Variants in SPEF2 observed in about 807,000 individuals in gnomAD.
The protein encoded by SPEF2 is sperm flagella and cilia-associated protein 2.
In SPEF2, 187 loss-of-function variants were observed where a neutral mutation model predicts 224.6. The ratio of observed to expected loss-of-function variants is 0.83; its 90% CI spans 0.74 to 0.94. The LOEUF is 0.94. Among genes scored for constraint, SPEF2 ranks in the 40% least tolerant of loss-of-function variants. The pLI, the probability that SPEF2 is intolerant of heterozygous loss-of-function variation, is 0.00. For missense variants in SPEF2, 2,170 were observed against 2,135.6 expected (o/e 1.02, Z -0.32); for synonymous variants, 715 against 707.3 (o/e 1.01, Z -0.17).
At chr5:35,809,090 T>C (rs1758383838) in intron 36 of SPEF2, among the ~76,000 whole-genome samples, 1 of 151,936 alleles carries the variant, frequency 6.6e-6, no homozygotes, top group Non-Finnish European at 1.5e-5. Flanking sequence ...AACATTCATA[T>C]TCAAAGGGTG....
chr5:35,788,239 A>G (rs1017944537), intron 30 of SPEF2: 1 of 702,992 alleles, frequency 1.4e-6, no homozygotes, highest in Non-Finnish European at 2.6e-6. Flanking sequence ...CCCTCGGGAG[A>G]GTAGAGAACT....
chr5:35,658,550 A>G (rs531422985), intron 7 of SPEF2, among the ~76,000 whole-genome samples: 31 of 152,294 alleles, frequency 2.0e-4, no homozygotes, highest in African/African-American at 6.7e-4. Context: ...CAACCTTCTG[A>G]AAACATGCTT....
At chr5:35,785,318 G>A (rs1754944078) in intron 30 of SPEF2, among the ~76,000 whole-genome samples, 2 of 152,224 alleles carry the variant, frequency 1.3e-5, no homozygotes, top group South Asian at 2.1e-4. Context: ...CTGTTTATGA[G>A]TAGAGTTTCA....
intron 7 of SPEF2, among the ~76,000 whole-genome samples, chr5:35,658,710 T>C (rs1749293701): frequency 6.6e-6 from 1 of 152,200 alleles, no homozygotes; most frequent in Non-Finnish European, 1.5e-5. Context: ...TAGTATCCAT[T>C]AGCTATTTGC....
At chr5:35,711,218 C>A (rs1455140960) in intron 19 of SPEF2, among the ~76,000 whole-genome samples, 1 of 151,964 alleles carries the variant, frequency 6.6e-6, no homozygotes, top group Non-Finnish European at 1.5e-5. Context: ...ACTAAAAAAC[C>A]AAATGAAATT....
intron 17 of SPEF2, among the ~76,000 whole-genome samples, chr5:35,705,172 T>G (rs369632794): frequency 1.3e-5 from 2 of 152,072 alleles, no homozygotes; most frequent in East Asian, 3.8e-4. Flanking sequence ...TAAGGCTGTC[T>G]ACTCTCCAGG....
chr5:35,758,454 C>A (rs1750754795), intron 24 of SPEF2, among the ~76,000 whole-genome samples: 1 of 152,168 alleles, frequency 6.6e-6, no homozygotes, highest in African/African-American at 2.4e-5. Context: ...GTTGTTGGCA[C>A]TGTGTGAAAT....
At chr5:35,666,757 C>T (rs1437449884) in intron 8 of SPEF2, among the ~76,000 whole-genome samples, 2 of 152,090 alleles carry the variant, frequency 1.3e-5, no homozygotes, top group Non-Finnish European at 2.9e-5. Context: ...TATTTGCAAC[C>T]GGTGAACTCA....
At chr5:35,718,227 C>A (rs1191311461) in intron 20 of SPEF2, among the ~76,000 whole-genome samples, 1 of 152,154 alleles carries the variant, frequency 6.6e-6, no homozygotes, top group Non-Finnish European at 1.5e-5. Flanking sequence ...TGAGCCCAAT[C>A]CTAAGCCAAC....
At chr5:35,618,218 G>A (rs1742942875) in intron 1 of SPEF2, among the ~76,000 whole-genome samples, 163 bp downstream of exon 1, 1 of 152,150 alleles carries the variant, frequency 6.6e-6, no homozygotes, top group South Asian at 2.1e-4. Flanking sequence ...TCGGCTCGGC[G>A]GTGCCCCAGG....
At chr5:35,810,489 C>T (rs150026818) in intron 36 of SPEF2, among the ~76,000 whole-genome samples, 46 of 152,226 alleles carry the variant, frequency 3.0e-4, no homozygotes, top group African/African-American at 1.1e-3. Flanking sequence ...CTGGAGGACT[C>T]CTTTTAAGTT....
chr5:35,800,224 T>G, intron 34 of SPEF2, 77 bp downstream of exon 34: 1 of 1,460,318 alleles, frequency 6.8e-7, no homozygotes, highest in Non-Finnish European at 9.3e-7. Flanking sequence ...CAACAAGGAC[T>G]CTATTATTTT....
chr5:35,810,499 T>A (rs1235341489), intron 36 of SPEF2, among the ~76,000 whole-genome samples: 1 of 152,168 alleles, frequency 6.6e-6, no homozygotes, highest in African/African-American at 2.4e-5. Flanking sequence ...CCTTTTAAGT[T>A]ATACATTCCC....
intron 2 of SPEF2, among the ~76,000 whole-genome samples, chr5:35,637,665 C>G (rs1746029870): frequency 6.6e-6 from 1 of 152,164 alleles, no homozygotes; most frequent in African/African-American, 2.4e-5. Context: ...TTCTGGTGTA[C>G]AGGGTAACAT....
chr5:35,745,553 C>A (rs1200654741), intron 23 of SPEF2, among the ~76,000 whole-genome samples: 2 of 24,572 alleles, frequency 8.1e-5, no homozygotes, highest in East Asian at 9.9e-4. Context: ...AGCTTTCCCC[C>A]ACTTCCCTGC....
chr5:35,767,835 G>A (rs1006001177), intron 26 of SPEF2, among the ~76,000 whole-genome samples: 7 of 152,068 alleles, frequency 4.6e-5, no homozygotes, highest in African/African-American at 1.4e-4. Context: ...GAAGGGGTTA[G>A]TGTGATGATC....
At chr5:35,813,753 A>G (rs1343100556) in intron 36 of SPEF2, among the ~76,000 whole-genome samples, 2 of 152,196 alleles carry the variant, frequency 1.3e-5, no homozygotes, top group Non-Finnish European at 2.9e-5. Flanking sequence ...AAATGATCAC[A>G]GTCAAATTGA....
intron 10 of SPEF2, among the ~76,000 whole-genome samples, chr5:35,685,192 A>T (rs1271583145): frequency 6.6e-6 from 1 of 152,184 alleles, no homozygotes; most frequent in Admixed American, 6.5e-5. Context: ...AAATAGGATT[A>T]TATTTATATA....
chr5:35,724,821 G>C (rs933382387), intron 20 of SPEF2, among the ~76,000 whole-genome samples: 3 of 152,100 alleles, frequency 2.0e-5, no homozygotes, highest in Non-Finnish European at 4.4e-5. Context: ...ATTATTATTG[G>C]CCCCAGACCA....
Sources: allele counts gnomAD v4.1 joint callset (sites outside exome capture counted in the v4.1 genomes callset), GRCh38; gene constraint gnomAD v4.1.1; transcripts MANE v1.5; gene names NCBI Gene and HGNC (gene_info 2026-07-23, HGNC 2026-07-21).